The following C9 variants were observed in gnomAD, a reference collection of about 807,000 sequenced individuals.
The protein encoded by C9 is complement C9.
Under a neutral mutation model 65.4 loss-of-function variants are expected in C9, and 63 were observed. The ratio of observed to expected loss-of-function variants is 0.96; its 90% CI spans 0.79 to 1.19. The LOEUF is 1.19. C9 is among the 50% of genes most tolerant of loss of function. The probability of loss-of-function intolerance (pLI) is 0.00; values close to 1 mark genes in which losing one functional copy is unlikely to be tolerated. For synonymous variants in C9, 229 were observed against 227.9 expected (o/e 1.00, Z -0.04); for missense variants, 744 against 670.1 (o/e 1.11, Z -1.22).
chr5:39,357,542 A>G (rs1350679586), intron 1 of C9, among the ~76,000 whole-genome samples: 1 of 140,410 alleles, frequency 7.1e-6, no homozygotes, highest in Non-Finnish European at 1.6e-5. Context: ...TGAGGCCTAC[A>G]CTCTAGTGGG....
intron 9 of C9, among the ~76,000 whole-genome samples, chr5:39,292,136 G>T (rs1423725935): frequency 6.6e-6 from 1 of 151,644 alleles, no homozygotes; most frequent in African/African-American, 2.4e-5. Flanking sequence ...CAGAAATTTA[G>T]GGAACTTCAA....
intron 9 of C9, among the ~76,000 whole-genome samples, chr5:39,294,112 T>C (rs1308645087): frequency 6.6e-6 from 1 of 151,228 alleles, no homozygotes; most frequent in Non-Finnish European, 1.5e-5. Flanking sequence ...ATCTAGAAAA[T>C]TTTCAAATAA....
In C9 at chr5:39,306,646, T is replaced by C; in HGVS notation, c.1387A>G (p.Asn463Asp). ...TDFVNWASSINDAPVLISQKL... is the reference protein window; with the variant it reads ...TDFVNWASSIDDAPVLISQKL... ...TGACTAATGAGAACAGGAGCATCAT[T>C]TATGGAAGAGGCCCAGTTGACAAAG... Residue 463 changes from asparagine (N) to aspartate (D), a missense_variant, in exon 9 of 11, where the codon AAT (asparagine) becomes GAT (aspartate). Asn to Asp is a conservative substitution (Grantham distance 23). Transcript: ENST00000263408. The C allele has an allele frequency of 6.2e-7, 1 of 1,613,696 alleles. No individual in the cohort carries two copies. The highest frequency in any genetic ancestry group is 8.5e-7 in the Non-Finnish European group (1 of 1,179,684).
At chr5:39,322,111 A>G (rs903532868) in intron 5 of C9, among the ~76,000 whole-genome samples, 4 of 152,096 alleles carry the variant, frequency 2.6e-5, no homozygotes, top group African/African-American at 9.7e-5. Context: ...CCATAAAACA[A>G]GTCTTAAACA....
chr5:39,348,618 C>A (rs972308345), intron 1 of C9, among the ~76,000 whole-genome samples: 2 of 152,144 alleles, frequency 1.3e-5, no homozygotes, highest in African/African-American at 4.8e-5. Context: ...TGTGGCGATT[C>A]CTCAGGGATC....
At position 39,341,055 on chromosome 5, in the gene C9, G is replaced by T. The variant is rs542754587; in HGVS notation, c.476+91C>A. ...ATCAGCTGTATCACCTATGTCCCTC[G>T]CACAAATGCTTCTACCAGTCTATCA... On this transcript the variant is annotated intron_variant, in intron 4 of 10. Transcript: ENST00000263408. 1.0e-5 allele frequency: 14 copies of T among 1,404,290 alleles called. No individual in the cohort carries two copies. In the East Asian group the frequency reaches 1.1e-4, roughly 11 times the overall value. The allele number at this position is 1,404,290 out of a possible 1,614,324, so 87.0% of individuals were successfully genotyped here. A position where few individuals can be genotyped will look rare whatever the true frequency, so the allele number is the denominator to read the frequency against.
intron 7 of C9, 124 bp downstream of exon 7, chr5:39,311,013 C>G: frequency 9.4e-7 from 1 of 1,061,152 alleles, no homozygotes; most frequent in Non-Finnish European, 1.4e-6. Flanking sequence ...GAAGAGAGTC[C>G]TCTCAAAGGA....
At chr5:39,306,047 C>A (rs1579846211) in intron 9 of C9, among the ~76,000 whole-genome samples, 1 of 151,756 alleles carries the variant, frequency 6.6e-6, no homozygotes, top group East Asian at 1.9e-4. Flanking sequence ...TCTGTAATCC[C>A]AGCTACTGAG....
At chr5:39,294,916 T>C (rs1554048246) in intron 9 of C9, among the ~76,000 whole-genome samples, 1 of 151,772 alleles carries the variant, frequency 6.6e-6, no homozygotes, top group Non-Finnish European at 1.5e-5. Context: ...CATATGGAAA[T>C]CAATAAATGA....
At chr5:39,362,479 G>A (rs835703) in intron 1 of C9, among the ~76,000 whole-genome samples, 8 of 151,948 alleles carry the variant, frequency 5.3e-5, no homozygotes, top group East Asian at 1.9e-4. Flanking sequence ...GAGGGAGCAC[G>A]GCCCTGCCAA....
At chr5:39,346,602 G>A (rs1042850197) in intron 1 of C9, among the ~76,000 whole-genome samples, 1 of 152,138 alleles carries the variant, frequency 6.6e-6, no homozygotes, top group South Asian at 2.1e-4. Context: ...ACAAGGAGGA[G>A]CTGCTACCAC....
rs377621669 is a variant in C9, at chr5:39,359,529, G to T, written c.77+4859C>A. 1.4e-3 allele frequency among the ~76,000 whole-genome samples: 207 copies of T among 152,154 alleles called. 10 individuals carry two copies. The South Asian group carries it at 0.04, about 29-fold the overall frequency. On this transcript the variant is annotated intron_variant, in intron 1 of 10. Transcript: ENST00000263408. ...CCACGAGACCGGATGCAAGGGAGTG[G>T]GTCTAGAGTAAAGTGGAGAAATGTG...
chr5:39,307,250 T>G (rs10058795), intron 8 of C9, among the ~76,000 whole-genome samples: 4,493 of 152,322 alleles, frequency 0.029, 207 homozygotes, highest in African/African-American at 0.1. Flanking sequence ...TCCCAAATCC[T>G]ACCCATCGTT....
intron 4 of C9, among the ~76,000 whole-genome samples, chr5:39,333,980 C>T (rs187794074): frequency 5.4e-4 from 82 of 152,276 alleles, no homozygotes; most frequent in African/African-American, 1.7e-3. Flanking sequence ...ACCTCCCAGC[C>T]GCCTGCCTTG....
At chr5:39,336,802 T>A (rs184075700) in intron 4 of C9, among the ~76,000 whole-genome samples, 1 of 152,282 alleles carries the variant, frequency 6.6e-6, no homozygotes. Flanking sequence ...AATCCCTTTT[T>A]CTGAGTTATA....
chr5:39,364,256 G>C (rs700232), intron 1 of C9, 132 bp downstream of exon 1: 2 of 668,708 alleles, frequency 3.0e-6, no homozygotes, highest in Admixed American at 2.1e-5. Context: ...ATCTCTTTTC[G>C]AAGTTTAGAT....
rs1054077781 is a variant in C9, at chr5:39,330,416, T to C, written c.615+1260A>G. Among the ~76,000 whole-genome samples, 4 of 152,250 alleles carry C rather than the reference T, an allele frequency of 2.6e-5. No homozygotes were observed. In the East Asian group the frequency reaches 5.8e-4, roughly 22 times the overall value. ...CCCTAGCCGTCACTATTCTATGTCG[T>C]ACAAGTTATTACCCCTCTGGAGAAG... is the stretch of plus-strand genomic sequence containing the variant. On this transcript the variant is annotated intron_variant, in intron 5 of 10. Transcript: ENST00000263408.
In C9 at chr5:39,311,330, A is replaced by G. The variant is rs565346304; in HGVS notation, c.918T>C (p.Phe306=). 3.2e-5 allele frequency: 51 copies of G among 1,612,974 alleles called. 1 individual carries two copies. The South Asian group carries it at 5.5e-4, about 17-fold the overall frequency. ...GCACAACATCGCGATTTCTCATTAC[A>G]AATCTTCCCAGATGAATTTCTCCTT... ...HVKGEIHLGR[F]VMRNRDVVLT... is the part of the protein sequence containing the mutation. Residue 306 remains phenylalanine, a synonymous_variant, in exon 7 of 11, where the codon TTT becomes TTC. Transcript: ENST00000263408.
chr5:39,332,734 C>T (rs916403503), intron 4 of C9, among the ~76,000 whole-genome samples: 1 of 152,166 alleles, frequency 6.6e-6, no homozygotes, highest in Non-Finnish European at 1.5e-5. Flanking sequence ...ATTCCTAACT[C>T]CAATGAACTG....
Sources: gnomAD v4.1 joint callset for allele counts (sites outside exome capture counted in the v4.1 genomes callset) on GRCh38, gnomAD v4.1.1 for gene constraint, MANE v1.5 for transcripts, NCBI Gene and HGNC (gene_info 2026-07-23, HGNC 2026-07-21) for gene names.